The following SELENOP variants were observed in gnomAD, a reference collection of about 807,000 sequenced individuals.
The protein encoded by SELENOP is selenoprotein P, also known as selenoprotein P, plasma, 1.
In SELENOP, 36 loss-of-function variants were observed where a neutral mutation model predicts 41.0. That is an observed-to-expected ratio of 0.88 (90% CI 0.67 to 1.16). SELENOP has a LOEUF of 1.16. Ranked by LOEUF, SELENOP falls within the 50% of genes most tolerant of loss-of-function variation. The pLI is 0.00. For missense variants in SELENOP, 440 were observed against 454.2 expected (o/e 0.97, Z 0.28); for synonymous variants, 144 against 150.8 (o/e 0.95, Z 0.33).
At chr5:42,804,967 T>C (rs1256447707) in intron 3 of SELENOP, 194 bp from the exon 4 acceptor site, 6 of 389,412 alleles carry the variant, frequency 1.5e-5, no homozygotes, top group Non-Finnish European at 2.3e-5. Context: ...ATAGCAACAC[T>C]ATAATTAGTC....
chr5:42,805,345 A>G (rs1292299985), intron 3 of SELENOP: 1 of 152,208 alleles, frequency 6.6e-6, no homozygotes, highest in Non-Finnish European at 1.5e-5. Flanking sequence ...CCTAGTATAT[A>G]TGGTTTTATG....
rs12658871 is a variant in SELENOP at position 42,808,439 on chromosome 5, C to G, written c.-13-73G>C. 1.1e-3 allele frequency: 558 copies of G among 506,614 alleles called. 9 individuals carry two copies. The East Asian group carries it at 0.018, about 16-fold the overall frequency. The allele number at this position is 506,614 out of a possible 1,614,324, so 31.4% of individuals were successfully genotyped here. On this transcript the variant is annotated intron_variant, in intron 1 of 4. Transcript: ENST00000514985. ...TCCTAACTATGAATTTCTATAAATC[C>G]TGCAGACATAATTCCACTTCCTAAA...
intron 1 of SELENOP, among the ~76,000 whole-genome samples, chr5:42,809,369 G>C (rs1329710237): frequency 1.3e-5 from 2 of 152,292 alleles, no homozygotes; most frequent in South Asian, 2.1e-4. Context: ...CAAAACTAGG[G>C]CTAGCTCTCT....
At position 42,800,881 on chromosome 5, in the gene SELENOP, T is replaced by A. The variant is rs1233951417; in HGVS notation, c.985A>T (p.Ser329Cys). Residue 329 changes from serine to cysteine, a missense_variant, in exon 5 of 5, where the codon AGC becomes TGC. Transcript: ENST00000514985. Reference sequence around the variant, plus strand: ...TCCTCTGCCCGAAGTCCCTGTCAGCTACATAAAGATGGGAGGTTTTCTTTA... The same window carrying A: ...TCCTCTGCCCGAAGTCCCTGTCAGCAACATAAAGATGGGAGGTTTTCTTTA... ...QCKENLPSLC[S>C]UQGLRAEENI... 1 of 1,614,204 alleles carries A rather than the reference T, an allele frequency of 6.2e-7. No individual in the cohort carries two copies. Among genetic ancestry groups the A allele is most frequent in the Non-Finnish European group, 8.5e-7 (1 of 1,180,028 alleles).
At position 42,801,074 on chromosome 5, in the gene SELENOP, TGGCA is replaced by T; in HGVS notation, c.788_791del (p.Met263LysfsTer?). 6.2e-7 allele frequency: 1 copy of T among 1,614,252 alleles called. No individual in the cohort carries two copies. The highest frequency in any genetic ancestry group is 8.5e-7 in the Non-Finnish European group (1 of 1,180,032). ...GTAAATCTTGTAAATCTTCACTTGCTGGCATATCTCGGTTCTCTGGGTGACCCTG... is the reference window on the plus strand; with the variant it reads ...GTAAATCTTGTAAATCTTCACTTGCTTATCTCGGTTCTCTGGGTGACCCTG... On this transcript the variant is annotated frameshift_variant, in exon 5 of 5. Transcript: ENST00000514985. LOFTEE classifies it high-confidence loss of function.
Position 42,804,706 on chromosome 5 carries a change from C to T in SELENOP, c.484G>A (p.Ala162Thr). The T allele has an allele frequency of 6.2e-7, 1 of 1,611,190 alleles. No individual in the cohort carries two copies. The highest frequency in any genetic ancestry group is 8.5e-7 in the Non-Finnish European group (1 of 1,178,054). ...SFLTFPYVEEAIKIAYCEKKC... is the reference protein window; with the variant it reads ...SFLTFPYVEETIKIAYCEKKC... ...TTTTCACAGTAAGCAATCTTAATGG[C>T]TTCTTCTACATATGGGAAAGTTAGG... Residue 162 changes from alanine (A) to threonine (T), a missense_variant, in exon 4 of 5, where the codon GCC becomes ACC. Ala to Thr is a moderately conservative substitution (Grantham distance 58, BLOSUM62 0). Transcript: ENST00000514985.
In SELENOP at chr5:42,804,539, A is replaced by T. The variant is rs1337670753; in HGVS notation, c.534+117T>A. On this transcript the variant is annotated intron_variant, in intron 4 of 4. Coordinates refer to ENST00000514985, the MANE Select transcript of SELENOP (RefSeq NM_005410.4). ...GGATGTTTGTTTAATTGTAAAAATT[A>T]TTGTTATTTATTTTTAGTACACCTG... is the stretch of plus-strand genomic sequence containing the variant. 3 of 562,398 alleles carry T rather than the reference A, an allele frequency of 5.3e-6. No individual in the cohort carries two copies. In the East Asian group the frequency reaches 8.9e-5, roughly 17 times the overall value. The allele number at this position is 562,398 out of a possible 1,614,324, so 34.8% of individuals were successfully genotyped here.
chr5:42,805,314 GTTC>G (rs1195239143), intron 3 of SELENOP: 1 of 152,176 alleles, frequency 6.6e-6, no homozygotes, highest in Non-Finnish European at 1.5e-5. Flanking sequence ...GGGTTAAAAT[GTTC>G]TTCTTGCCTA....
At chr5:42,801,639 G>A (rs896311049) in intron 4 of SELENOP, 23 of 377,728 alleles carry the variant, frequency 6.1e-5, no homozygotes, top group Middle Eastern at 6.8e-4. Context: ...GATCTGGGCC[G>A]AGCATGGTGG....
chr5:42,808,967 T>G (rs1382194678), intron 1 of SELENOP, among the ~76,000 whole-genome samples: 3 of 151,058 alleles, frequency 2.0e-5, no homozygotes, highest in Non-Finnish European at 3.0e-5. Flanking sequence ...AATAGAGCAT[T>G]CTGCACAGAA....
At position 42,808,209 on chromosome 5, in the gene SELENOP, C is replaced by T; in HGVS notation, c.145G>A (p.Val49Met). The change falls in exon 2 of 5, where the codon GTG becomes ATG. Residue 49 changes from valine (V) to methionine (M), a missense_variant. By Grantham distance (21) the Val-to-Met change is conservative. Transcript: ENST00000514985. ...GCTTGAAGAAGAGCAACCACAGTCA[C>T]TGAACCATTGGAGTTTAGCATTGGA... Reference protein sequence around the residue: ...QDPMLNSNGSVTVVALLQASU... With the variant: ...QDPMLNSNGSMTVVALLQASU... 1 of 1,582,660 alleles carries T rather than the reference C, an allele frequency of 6.3e-7. No individual in the cohort carries two copies. Among genetic ancestry groups the T allele is most frequent in the Non-Finnish European group, 8.6e-7 (1 of 1,165,204 alleles).
chr5:42,806,708 T>C (rs1760336497), intron 3 of SELENOP, 188 bp downstream of exon 3: 1 of 419,736 alleles, frequency 2.4e-6, no homozygotes, highest in East Asian at 3.4e-5. Flanking sequence ...TTTTTTAAAA[T>C]GAGAGTATTT....
Position 42,800,782 on chromosome 5 carries a change from C to T in SELENOP, c.1084G>A (p.Glu362Lys). ...TTTCAGCGTCAACTGGCACTGGCTT[C>T]TGTGGGTATAAGCTGCTGACTTATT... ...UQISQQLIPT[E>K]ASASURUKNQ... Residue 362 changes from glutamate (E) to lysine (K), a missense_variant, in exon 5 of 5, where the codon GAA becomes AAA. Glu to Lys is a moderately conservative substitution (Grantham distance 56). Coordinates refer to ENST00000514985, the MANE Select transcript of SELENOP (RefSeq NM_005410.4). 6.2e-7 allele frequency: 1 copy of T among 1,613,908 alleles called. No homozygotes were observed.
chr5:42,804,789 A>C lies in SELENOP; in HGVS notation c.417-16T>G, dbSNP rs749382415. The stretch of plus-strand genomic sequence containing the variant: ...ACGGCCACATCTAAGAAAAAGGACA[A>C]ATACAATGTCACTATAATATTTTCT... On this transcript the variant is annotated splice_polypyrimidine_tract_variant and intron_variant, in intron 3 of 4. Transcript: ENST00000514985. 23 of 1,396,178 alleles carry C rather than the reference A, an allele frequency of 1.6e-5. No homozygotes were observed. The highest frequency in any genetic ancestry group is 2.3e-5 in the Non-Finnish European group (23 of 986,644). The allele number at this position is 1,396,178 out of a possible 1,614,324, so 86.5% of individuals were successfully genotyped here.
At chr5:42,810,154 C>CCCACTT (rs1029252527) in intron 1 of SELENOP, among the ~76,000 whole-genome samples, 3 of 152,228 alleles carry the variant, frequency 2.0e-5, no homozygotes, top group South Asian at 2.1e-4. Flanking sequence ...GAGAGAAAGT[C>CCCACTT]AGTCACAAAA....
At chr5:42,805,656 AATT>A (rs1304337720) in intron 3 of SELENOP, 4 of 152,206 alleles carry the variant, frequency 2.6e-5, no homozygotes, top group Admixed American at 1.3e-4. Context: ...GTAGCCTTAA[AATT>A]ATTATTTAGA....
At chr5:42,801,971 C>T (rs1760215771) in intron 4 of SELENOP, 1 of 152,086 alleles carries the variant, frequency 6.6e-6, no homozygotes, top group Admixed American at 6.6e-5. Flanking sequence ...ACTTCTGTAC[C>T]TGTGTCAACG....
chr5:42,807,072 T>G lies in SELENOP; in HGVS notation c.240A>C (p.Gly80=), dbSNP rs371677181. 8.4e-6 allele frequency: 13 copies of G among 1,538,906 alleles called. No individual in the cohort carries two copies. Among genetic ancestry groups the G allele is most frequent in the Non-Finnish European group, 9.8e-6 (11 of 1,118,060 alleles). ...EDLRVKLKKE[G]YSNISYIVVN... is the part of the protein sequence containing the mutation. ...CAACAATATAAGAAATATTAGAATATCCTTCTTTCTTCAGTTTTACTCGCA... is the reference window on the plus strand; with the variant it reads ...CAACAATATAAGAAATATTAGAATAGCCTTCTTTCTTCAGTTTTACTCGCA... The change falls in exon 3 of 5, where the codon GGA becomes GGC. Residue 80 remains glycine (G), a synonymous_variant. Transcript: ENST00000514985.
At position 42,801,126 on chromosome 5, in the gene SELENOP, T is replaced by G. The variant is rs767112818; in HGVS notation, c.740A>C (p.His247Pro). ...CTGCCTATGCTGACCCTTGTGCTTA[T>G]GGTGGTGATGAAGGCCTGGAGGAGC... ...HPAPPGLHHHHKHKGQHRQGH... is the reference protein window; with the variant it reads ...HPAPPGLHHHPKHKGQHRQGH... The change falls in exon 5 of 5, where the codon CAT becomes CCT. Residue 247 changes from histidine (H) to proline (P), a missense_variant. By Grantham distance (77) the His-to-Pro change is moderately conservative. Transcript: ENST00000514985. The G allele has an allele frequency of 1.2e-6, 2 of 1,614,020 alleles. No homozygotes were observed. The highest frequency in any genetic ancestry group is 2.7e-5 in the African/African-American group (2 of 74,916).
Sources: allele counts gnomAD v4.1 joint callset (sites outside exome capture counted in the v4.1 genomes callset), GRCh38; gene constraint gnomAD v4.1.1; transcripts MANE v1.5; gene names NCBI Gene and HGNC (gene_info 2026-07-23, HGNC 2026-07-21).